The following SUPT3H variants were observed in gnomAD, a reference collection of about 807,000 sequenced individuals.
SUPT3H encodes transcription initiation protein SPT3 homolog.
Under a neutral mutation model 44.3 loss-of-function variants are expected in SUPT3H, and 44 were observed. The observed-to-expected ratio is 0.99, with a 90% CI of 0.78 to 1.28. The LOEUF is 1.28. Ranked by LOEUF, SUPT3H falls within the 50% of genes most tolerant of loss-of-function variation. The pLI is 0.00. For synonymous variants in SUPT3H, 124 were observed against 125.6 expected (o/e 0.99, Z 0.09); for missense variants, 380 against 387.1 (o/e 0.98, Z 0.15).
In SUPT3H at chr6:45,003,776, G is replaced by A; in HGVS notation, c.381C>T (p.Ser127=). The change falls in exon 6 of 11, where the codon AGC becomes AGT. Residue 127 remains serine (S), a synonymous_variant. Transcript: ENST00000371459. ...TCTTTTGTCTTTTGTTCGCATTATT[G>A]CTGCCACTCAATTTGTCTTCATGAA... The part of the protein sequence containing the change: ...DDLLEDKLSG[S]NNANKRQKIA... 6.2e-7 allele frequency: 1 copy of A among 1,613,494 alleles called. No individual in the cohort carries two copies. Among genetic ancestry groups the A allele is most frequent in the African/African-American group, 1.3e-5 (1 of 74,954 alleles).
intron 10 of SUPT3H, among the ~76,000 whole-genome samples, chr6:44,883,811 T>C (rs1778666033): frequency 6.6e-6 from 1 of 152,168 alleles, no homozygotes; most frequent in South Asian, 2.1e-4. Context: ...GAAAACTGGC[T>C]AGCCATATGC....
chr6:44,982,056 C>G (rs948583956), intron 6 of SUPT3H, among the ~76,000 whole-genome samples: 1 of 151,526 alleles, frequency 6.6e-6, no homozygotes. Context: ...CAAAGCAAAG[C>G]AAAACAAAAG....
intron 2 of SUPT3H, among the ~76,000 whole-genome samples, chr6:45,173,965 C>A (rs185902319): frequency 1.3e-5 from 2 of 152,152 alleles, no homozygotes; most frequent in Admixed American, 1.3e-4. Flanking sequence ...GCCCCTGCTG[C>A]CCAAAGAGTT....
chr6:45,274,464 T>C (rs1451704309), intron 2 of SUPT3H, among the ~76,000 whole-genome samples: 2 of 152,264 alleles, frequency 1.3e-5, no homozygotes, highest in Admixed American at 6.5e-5. Flanking sequence ...TTTAGATCTA[T>C]GATCCACTTT....
intron 2 of SUPT3H, among the ~76,000 whole-genome samples, chr6:45,179,268 G>C: frequency 6.6e-6 from 1 of 152,186 alleles, no homozygotes; most frequent in East Asian, 1.9e-4. Context: ...TCCAGGACCA[G>C]ATGGATTCAC....
intron 2 of SUPT3H, among the ~76,000 whole-genome samples, chr6:45,276,921 G>C (rs1157162625): frequency 2.0e-5 from 3 of 151,978 alleles, no homozygotes; most frequent in Non-Finnish European, 4.4e-5. Context: ...ATACTACTTA[G>C]GACACTGGTC....
chr6:45,311,717 C>A (rs1189512776), intron 2 of SUPT3H, among the ~76,000 whole-genome samples: 1 of 152,116 alleles, frequency 6.6e-6, no homozygotes, highest in Non-Finnish European at 1.5e-5. Flanking sequence ...CGAAACTAAA[C>A]ATCATATATG....
chr6:44,997,932 G>A (rs1203439379), intron 6 of SUPT3H, among the ~76,000 whole-genome samples: 1 of 151,708 alleles, frequency 6.6e-6, no homozygotes, highest in Non-Finnish European at 1.5e-5. Context: ...TTTGATATAT[G>A]ATAGTAATAT....
At chr6:45,101,724 T>C (rs934328581) in intron 3 of SUPT3H, among the ~76,000 whole-genome samples, 7 of 152,178 alleles carry the variant, frequency 4.6e-5, no homozygotes, top group African/African-American at 1.4e-4. Context: ...CATTATACAT[T>C]GTATACATGT....
At chr6:44,931,359 T>C (rs1770558896) in intron 10 of SUPT3H, among the ~76,000 whole-genome samples, 1 of 152,186 alleles carries the variant, frequency 6.6e-6, no homozygotes, top group South Asian at 2.1e-4. Context: ...TTGATATTTT[T>C]AATCTTTCAT....
chr6:45,158,298 A>ATATATATATATATATTTT, intron 2 of SUPT3H, among the ~76,000 whole-genome samples: 5 of 99,688 alleles, frequency 5.0e-5, no homozygotes, highest in African/African-American at 2.0e-4. Context: ...ATATATATAT[A>ATATATATATATATATTTT]TTTTTTTTTT....
intron 2 of SUPT3H, among the ~76,000 whole-genome samples, chr6:45,187,859 G>C (rs1172685839): frequency 3.9e-5 from 6 of 152,292 alleles, no homozygotes; most frequent in African/African-American, 1.4e-4. Context: ...AATTACAGCA[G>C]TTCCCCCTCA....
intron 10 of SUPT3H, among the ~76,000 whole-genome samples, chr6:44,862,442 C>T (rs1011990839): frequency 2.6e-5 from 4 of 151,766 alleles, no homozygotes; most frequent in African/African-American, 4.8e-5. Context: ...TTTCGGAGGC[C>T]GAGGTGAGCG....
chr6:45,054,788 C>T (rs1363153153), intron 3 of SUPT3H, among the ~76,000 whole-genome samples: 1 of 152,012 alleles, frequency 6.6e-6, no homozygotes, highest in Non-Finnish European at 1.5e-5. Flanking sequence ...TCCTGTACAC[C>T]CTGAGCAGAC....
At chr6:45,057,336 T>C (rs193006114) in intron 3 of SUPT3H, among the ~76,000 whole-genome samples, 102 of 152,206 alleles carry the variant, frequency 6.7e-4, no homozygotes, top group African/African-American at 2.4e-3. Context: ...TCTAGACATA[T>C]GTAAAAGTAC....
chr6:45,187,396 C>A (rs1814425723), intron 2 of SUPT3H, among the ~76,000 whole-genome samples: 1 of 138,862 alleles, frequency 7.2e-6, no homozygotes, highest in South Asian at 2.3e-4. Flanking sequence ...ACCTGGGCGA[C>A]AAGGGCAAAA....
chr6:45,016,968 A>G (rs1278462325), intron 4 of SUPT3H, among the ~76,000 whole-genome samples: 2 of 150,076 alleles, frequency 1.3e-5, no homozygotes, highest in South Asian at 2.1e-4. Flanking sequence ...CAACAGTGTA[A>G]AAGTGTTCCT....
intron 2 of SUPT3H, among the ~76,000 whole-genome samples, chr6:45,182,541 C>T (rs531179237): frequency 4.8e-4 from 73 of 152,354 alleles, no homozygotes; most frequent in Middle Eastern, 3.4e-3. Context: ...GGATTACAGG[C>T]GTGAGCCACC....
intron 2 of SUPT3H, among the ~76,000 whole-genome samples, chr6:45,344,917 G>T (rs1175486168): frequency 6.6e-6 from 1 of 152,128 alleles, no homozygotes. Context: ...TTACAAGCAG[G>T]ATAGTTTAGT....
Sources: gnomAD v4.1 joint callset for allele counts (sites outside exome capture counted in the v4.1 genomes callset) on GRCh38, gnomAD v4.1.1 for gene constraint, MANE v1.5 for transcripts, NCBI Gene and HGNC (gene_info 2026-07-23, HGNC 2026-07-21) for gene names.